Variants in NAV3 observed in about 807,000 individuals in gnomAD.
NAV3 encodes neuron navigator 3.
NAV3 carries 87 observed loss-of-function variants against 244.7 expected under a neutral mutation model. The ratio of observed to expected loss-of-function variants is 0.36; its 90% CI spans 0.30 to 0.42. NAV3 has a LOEUF of 0.42. Ranked by LOEUF, NAV3 falls within the 20% of genes least tolerant of loss-of-function variation. The probability of loss-of-function intolerance (pLI) is 1.00; values close to 1 mark genes in which losing one functional copy is unlikely to be tolerated. For missense variants in NAV3, 2,663 were observed against 2,893.3 expected (o/e 0.92, Z 1.83); for synonymous variants, 1,126 against 1,042.2 (o/e 1.08, Z -1.55).
In NAV3 at chr12:78,015,634, C is replaced by T. The variant is rs185533087; in HGVS notation, c.1908-6113C>T. Among the ~76,000 whole-genome samples, 7 of 152,112 alleles carry T rather than the reference C, an allele frequency of 4.6e-5. No homozygotes were observed. In the East Asian group the frequency reaches 9.7e-4, roughly 21 times the overall value. Reference sequence around the variant, plus strand: ...TGCCTGATTAAGATAATATCTGCCACAATTTTATATTCTAAGTGAATTTGT... The same window carrying T: ...TGCCTGATTAAGATAATATCTGCCATAATTTTATATTCTAAGTGAATTTGT... On this transcript the variant is annotated intron_variant, in intron 8 of 39. Transcript: ENST00000397909.
In NAV3 at chr12:77,815,915, C is replaced by T. The variant is rs184840891; in HGVS notation, c.73-124404C>T. 5.9e-5 allele frequency among the ~76,000 whole-genome samples: 9 copies of T among 152,192 alleles called. No homozygotes were observed. The East Asian group carries it at 1.7e-3, about 29-fold the overall frequency. On this transcript the variant is annotated intron_variant, in intron 2 of 8. Transcript: ENST00000550042. ...ATATTTTATGGTATTTTTGGAACCT[C>T]ATATGAGTATGCACCAGAGGAGGGT...
At chr12:77,841,396 A>G (rs769218199) in intron 1 of NAV3, among the ~76,000 whole-genome samples, 1 of 152,224 alleles carries the variant, frequency 6.6e-6, no homozygotes, top group Non-Finnish European at 1.5e-5. Context: ...TCATAATGAA[A>G]TGTGACCAAG....
Position 77,972,584 on chromosome 12 carries a change from T to C in NAV3, c.671+3882T>C, listed in dbSNP as rs140400520. On this transcript the variant is annotated intron_variant, in intron 5 of 39. Transcript: ENST00000397909. ...ATTCAGTATTTCTTAATTTTCTTTT[T>C]ATTTTGAAAAAGGTAGATAAAAATT... Among the ~76,000 whole-genome samples, 1,032 of 152,200 alleles carry C rather than the reference T, an allele frequency of 6.8e-3. 11 individuals are homozygous for C. Among genetic ancestry groups the C allele is most frequent in the African/African-American group, 0.023 (974 of 41,548 alleles).
intron 1 of NAV3, among the ~76,000 whole-genome samples, chr12:77,832,425 A>G (rs966095136): frequency 4.6e-5 from 7 of 152,174 alleles, no homozygotes; most frequent in African/African-American, 1.7e-4. Flanking sequence ...ATGCGGATTC[A>G]TTTGTACCTT....
intron 2 of NAV3, among the ~76,000 whole-genome samples, chr12:77,658,184 G>A (rs1387073610): frequency 2.0e-5 from 3 of 152,062 alleles, no homozygotes; most frequent in South Asian, 4.1e-4. Flanking sequence ...GTTTGCAGAC[G>A]ACATGATTGT....
chr12:78,182,726 C>CT (rs928119598), intron 30 of NAV3, among the ~76,000 whole-genome samples: 4 of 151,328 alleles, frequency 2.6e-5, no homozygotes, highest in African/African-American at 4.9e-5. Flanking sequence ...TTTTTAATAC[C>CT]TTTTTTTACC....
intron 23 of NAV3, among the ~76,000 whole-genome samples, chr12:78,164,640 G>T (rs2139486656): frequency 6.6e-6 from 1 of 152,078 alleles, no homozygotes; most frequent in South Asian, 2.1e-4. Flanking sequence ...ACTGGTATTT[G>T]GTCAATGTAA....
At chr12:78,083,561 C>A (rs1269855634) in intron 12 of NAV3, among the ~76,000 whole-genome samples, 1 of 152,090 alleles carries the variant, frequency 6.6e-6, no homozygotes, top group Non-Finnish European at 1.5e-5. Context: ...ATCCACTGAC[C>A]CATAGCCTCA....
At chr12:77,636,171 AAGTC>A (rs1872143725) in intron 2 of NAV3, among the ~76,000 whole-genome samples, 1 of 152,214 alleles carries the variant, frequency 6.6e-6, no homozygotes, top group Admixed American at 6.5e-5. Flanking sequence ...GATCATTAAA[AAGTC>A]AGGAAACAGG....
chr12:78,205,977 T>A (rs2140096377), intron 39 of NAV3, among the ~76,000 whole-genome samples: 1 of 152,228 alleles, frequency 6.6e-6, no homozygotes, highest in African/African-American at 2.4e-5. Flanking sequence ...ATAAAATTAC[T>A]TGATATTTTA....
chr12:77,812,376 A>G (rs1296541172), intron 2 of NAV3, among the ~76,000 whole-genome samples: 1 of 152,086 alleles, frequency 6.6e-6, no homozygotes, highest in African/African-American at 2.4e-5. Flanking sequence ...TTTAATCCCA[A>G]TGAAAAACTG....
chr12:77,822,560 T>G (rs542720516), intron 2 of NAV3, among the ~76,000 whole-genome samples: 1 of 152,306 alleles, frequency 6.6e-6, no homozygotes, highest in African/African-American at 2.4e-5. Context: ...GTGTCTTATG[T>G]GTTAGAAGCC....
chr12:77,922,760 C>T (rs1887831459), intron 1 of NAV3, among the ~76,000 whole-genome samples: 1 of 151,978 alleles, frequency 6.6e-6, no homozygotes, highest in Non-Finnish European at 1.5e-5. Context: ...TTCTAGAAGA[C>T]CAAAAAATAC....
chr12:77,712,596 A>G (rs2137257352), intron 2 of NAV3, among the ~76,000 whole-genome samples: 1 of 152,322 alleles, frequency 6.6e-6, no homozygotes, highest in South Asian at 2.1e-4. Context: ...TAGTGACCAT[A>G]GTGACCCAAT....
At chr12:77,973,843 A>C (rs1893217308) in intron 5 of NAV3, among the ~76,000 whole-genome samples, 1 of 152,116 alleles carries the variant, frequency 6.6e-6, no homozygotes, top group Admixed American at 6.6e-5. Flanking sequence ...TGTTGTGGCC[A>C]TAGTGTGCCC....
chr12:77,787,647 C>G (rs776965074), intron 2 of NAV3, among the ~76,000 whole-genome samples: 1 of 152,140 alleles, frequency 6.6e-6, no homozygotes, highest in Admixed American at 6.5e-5. Context: ...AAGCTGCCCC[C>G]GTGATTCAGT....
intron 23 of NAV3, among the ~76,000 whole-genome samples, chr12:78,167,604 G>C (rs899228836): frequency 6.0e-5 from 9 of 150,968 alleles, no homozygotes; most frequent in African/African-American, 2.2e-4. Context: ...CGCTGTGGAT[G>C]ATCTTTTTAA....
intron 2 of NAV3, among the ~76,000 whole-genome samples, chr12:77,797,912 T>C (rs766347519): frequency 1.3e-5 from 2 of 151,802 alleles, no homozygotes; most frequent in African/African-American, 2.4e-5. Flanking sequence ...CTCATGCCTG[T>C]AATCCCAGTA....
intron 2 of NAV3, among the ~76,000 whole-genome samples, chr12:77,597,204 CTGT>C (rs1335614337): frequency 6.6e-6 from 1 of 152,068 alleles, no homozygotes; most frequent in Non-Finnish European, 1.5e-5. Flanking sequence ...TTTCTTCAGC[CTGT>C]TTTCTCTTTG....
Sources: gnomAD v4.1 joint callset for allele counts (sites outside exome capture counted in the v4.1 genomes callset) on GRCh38, gnomAD v4.1.1 for gene constraint, MANE v1.5 for transcripts, NCBI Gene and HGNC (gene_info 2026-07-23, HGNC 2026-07-21) for gene names.